Variants in TMEM43 observed in about 807,000 individuals in gnomAD.
TMEM43 encodes the protein arrhythmogenic right ventricular dysplasia 5.
Under a neutral mutation model 49.6 loss-of-function variants are expected in TMEM43, and 45 were observed. The observed-to-expected ratio is 0.91, with a 90% CI of 0.71 to 1.16. The LOEUF (loss-of-function observed/expected upper bound fraction) is 1.16, where lower values mean the gene tolerates loss of function less well. Among genes scored for constraint, TMEM43 ranks in the 50% most tolerant of loss-of-function variants. The pLI is 0.00. For synonymous variants in TMEM43, 199 were observed against 207.8 expected (o/e 0.96, Z 0.36); for missense variants, 532 against 516.6 (o/e 1.03, Z -0.29).
chr3:14,135,960 C>CCT lies in TMEM43; in HGVS notation c.882+53_882+54dup, dbSNP rs779432280. The CCT allele has an allele frequency of 1.8e-5, 27 of 1,460,658 alleles. No homozygotes were observed. The East Asian group carries it at 6.1e-4, about 33-fold the overall frequency. The allele number at this position is 1,460,658 out of a possible 1,614,324, so 90.5% of individuals were successfully genotyped here. A position where few individuals can be genotyped will look rare whatever the true frequency, so the allele number is the denominator to read the frequency against. ...TGGAGGAACAAGCATGTCCTTCCTTCCTTCCAGTGGTTATTTAATAAGATC... is the reference window on the plus strand; with the variant it reads ...TGGAGGAACAAGCATGTCCTTCCTTCCTCTTCCAGTGGTTATTTAATAAGATC... On this transcript the variant is annotated intron_variant, in intron 10 of 11. Transcript: ENST00000306077.
At chr3:14,132,652 C>G in intron 5 of TMEM43, 57 bp downstream of exon 5, 1 of 1,591,894 alleles carries the variant, frequency 6.3e-7, no homozygotes, top group Non-Finnish European at 8.6e-7. Flanking sequence ...ACAGTGGTGG[C>G]TGGACAGCAG....
chr3:14,134,659 T>TG, intron 7 of TMEM43, 111 bp from the exon 8 acceptor site: 1 of 1,414,858 alleles, frequency 7.1e-7, no homozygotes, highest in Non-Finnish European at 1.0e-6. Context: ...CAGGTGGGAG[T>TG]GCCACGTGTG....
At chr3:14,126,623 A>G (rs1215869024) in intron 1 of TMEM43, among the ~76,000 whole-genome samples, 1 of 152,224 alleles carries the variant, frequency 6.6e-6, no homozygotes, top group African/African-American at 2.4e-5. Flanking sequence ...GATGTGTGGT[A>G]GGTACTTAAT....
rs6798807 is a variant in TMEM43 at position 14,130,575 on chromosome 3, C to T, written c.163-247C>T. On this transcript the variant is annotated intron_variant, in intron 2 of 11. Transcript: ENST00000306077. ...ACATCAGCTGTTCCCACCACTGGGG[C>T]AGTGCTAAGATTGGTGGGGGCTAGT... Among the ~76,000 whole-genome samples, 22,005 of 152,072 alleles carry T rather than the reference C, an allele frequency of 0.14. 1,883 individuals carry two copies. Among genetic ancestry groups the T allele is most frequent in the East Asian group, 0.37 (1,925 of 5,172 alleles).
At chr3:14,135,573 C>G (rs927024528) in intron 9 of TMEM43, among the ~76,000 whole-genome samples, 2 of 152,360 alleles carry the variant, frequency 1.3e-5, no homozygotes, top group Non-Finnish European at 2.9e-5. Flanking sequence ...CCTGCCCCAT[C>G]CCCTGCTCTG....
chr3:14,136,286 A>T (rs1695169138), intron 10 of TMEM43, among the ~76,000 whole-genome samples: 1 of 152,184 alleles, frequency 6.6e-6, no homozygotes, highest in African/African-American at 2.4e-5. Context: ...GCATTCAGAA[A>T]GTTTTGGATT....
intron 4 of TMEM43, 97 bp from the exon 5 acceptor site, chr3:14,132,449 C>A: frequency 7.7e-7 from 1 of 1,302,512 alleles, no homozygotes; most frequent in South Asian, 1.2e-5. Flanking sequence ...GGAGTCTGAT[C>A]TGGTAGCCCT....
In TMEM43 at chr3:14,142,085, G is replaced by A. The variant is rs1166945020; in HGVS notation, c.*290G>A. ...TTTCCTTCCTCTCTTGGACTGAGTG[G>A]GTACGGCCAGCCACTCAGCCCATTG... On this transcript the variant is annotated 3_prime_UTR_variant, in exon 12 of 12. Transcript: ENST00000306077. The A allele has an allele frequency of 1.3e-5, 6 of 465,290 alleles. No homozygotes were observed. Among genetic ancestry groups the A allele is most frequent in the African/African-American group, 9.8e-5 (5 of 50,932 alleles). 28.8% of individuals were successfully genotyped at this position (465,290 alleles called of 1,614,324 possible). A position where few individuals can be genotyped will look rare whatever the true frequency, so the allele number is the denominator to read the frequency against.
chr3:14,130,479 C>T (rs1428574964), intron 2 of TMEM43, among the ~76,000 whole-genome samples: 1 of 151,994 alleles, frequency 6.6e-6, no homozygotes, highest in East Asian at 1.9e-4. Flanking sequence ...CTACAAAAAA[C>T]TTAAACATAA....
chr3:14,126,117 C>G (rs960202603), intron 1 of TMEM43, among the ~76,000 whole-genome samples: 1 of 152,172 alleles, frequency 6.6e-6, no homozygotes, highest in African/African-American at 2.4e-5. Context: ...CAAGCGTCCT[C>G]TCTGCCTCCC....
rs960038220 is a variant in TMEM43 at position 14,134,902 on chromosome 3, A to T, written c.705+11A>T. 7 of 1,613,926 alleles carry T rather than the reference A, an allele frequency of 4.3e-6. No homozygotes were observed. The African/African-American group carries it at 9.3e-5, about 22-fold the overall frequency. On this transcript the variant is annotated intron_variant, in intron 8 of 11. Transcript: ENST00000306077. ...CCCAAGTATCCAGAGGTGTGCGGAG[A>T]GGCCTGGGCTCTCCAAATAGGAGGG...
At chr3:14,133,911 A>T (rs1487638418) in intron 7 of TMEM43, 102 bp downstream of exon 7, 1 of 1,056,010 alleles carries the variant, frequency 9.5e-7, no homozygotes, top group Non-Finnish European at 1.5e-6. Flanking sequence ...AAGGCACAGG[A>T]TCAGTCTGCA....
chr3:14,125,268 CG>C, intron 1 of TMEM43, 63 bp downstream of exon 1: 1 of 1,559,706 alleles, frequency 6.4e-7, no homozygotes. Flanking sequence ...GGCTTTTCCC[CG>C]GGGTCCTCTA....
In TMEM43 at chr3:14,129,406, C is replaced by A; in HGVS notation, c.13-6C>A. On this transcript the variant is annotated splice_polypyrimidine_tract_variant and splice_region_variant and intron_variant, in intron 1 of 11. Coordinates refer to ENST00000306077, the MANE Select transcript of TMEM43 (RefSeq NM_024334.3). ...TTTCATTCTGTTACTGTTTCTTTTT[C>A]TTCAGTATTCCAGTACCAGTACCCG... is the stretch of plus-strand genomic sequence containing the variant. 6.5e-7 allele frequency: 1 copy of A among 1,534,324 alleles called. No individual in the cohort carries two copies. The highest frequency in any genetic ancestry group is 1.2e-5 in the South Asian group (1 of 83,322).
chr3:14,125,311 C>A (rs903243400), intron 1 of TMEM43, 106 bp downstream of exon 1: 2 of 1,370,698 alleles, frequency 1.5e-6, no homozygotes, highest in African/African-American at 1.4e-5. Flanking sequence ...CTCCTCCGTG[C>A]GGCTAGGCCC....
intron 10 of TMEM43, 147 bp from the exon 11 acceptor site, chr3:14,139,033 C>T (rs529692898): frequency 1.0e-5 from 7 of 695,490 alleles, no homozygotes; most frequent in Admixed American, 2.0e-5. Context: ...GGACTTAGCC[C>T]TATAGGAGGC....
Position 14,125,121 on chromosome 3 carries a change from ACACCACGCTC to A in TMEM43, c.-70_-61del. On this transcript the variant is annotated 5_prime_UTR_variant, in exon 1 of 12. Coordinates refer to ENST00000306077, the MANE Select transcript of TMEM43 (RefSeq NM_024334.3). The stretch of plus-strand genomic sequence containing the variant: ...GCTGGGGCTGGCAAGAGGCCGCTGG[ACACCACGCTC>A]CAGTCGTCAGCCCACTTCCTAGCTG... 1.3e-6 allele frequency: 2 copies of A among 1,593,930 alleles called. No individual in the cohort carries two copies. Among genetic ancestry groups the A allele is most frequent in the Non-Finnish European group, 1.7e-6 (2 of 1,170,914 alleles).
chr3:14,129,626 T>C (rs1182046592), intron 2 of TMEM43, 65 bp downstream of exon 2: 12 of 1,585,346 alleles, frequency 7.6e-6, no homozygotes, highest in African/African-American at 4.0e-5. Flanking sequence ...GCAAAGGCGA[T>C]GAACCCGGAG....
At chr3:14,140,942 C>G (rs999434111) in intron 11 of TMEM43, among the ~76,000 whole-genome samples, 2 of 152,152 alleles carry the variant, frequency 1.3e-5, no homozygotes, top group African/African-American at 4.8e-5. Flanking sequence ...AGCGAAGATT[C>G]CCTGAGTGGA....
Sources: allele counts gnomAD v4.1 joint callset (sites outside exome capture counted in the v4.1 genomes callset), GRCh38; gene constraint gnomAD v4.1.1; transcripts MANE v1.5; gene names NCBI Gene and HGNC (gene_info 2026-07-23, HGNC 2026-07-21).